DMD: variants seen among roughly 807,000 people sequenced by gnomAD.
The protein encoded by DMD is dystrophin.
In DMD, 63 loss-of-function variants were observed where a neutral mutation model predicts 330.1. The observed-to-expected ratio is 0.19, with a 90% confidence interval of 0.16 to 0.24. DMD has a LOEUF of 0.24. Among genes scored for constraint, DMD ranks in the 10% least tolerant of loss-of-function variants. DMD has a pLI of 1.00. For synonymous variants in DMD, 1,223 were observed against 959.8 expected, an observed-to-expected ratio of 1.27 and a Z score of -5.07; for missense variants, 3,344 against 2,684.1, an observed-to-expected ratio of 1.25 and a Z score of -5.43.
intron 19 of DMD, among the ~76,000 whole-genome samples, chrX:32,496,526 T>C (rs1280490782): frequency 8.9e-6 from 1 of 111,933 alleles, no homozygotes; most frequent in Non-Finnish European, 1.9e-5. Flanking sequence ...ATATAGCCCT[T>C]TTGCGTTTTT....
intron 12 of DMD, among the ~76,000 whole-genome samples, chrX:32,599,559 C>T (rs2055949782): frequency 8.9e-6 from 1 of 111,885 alleles, no homozygotes; most frequent in African/African-American, 3.2e-5. Flanking sequence ...ATTGGATTTG[C>T]TAATTAAGCC....
intron 42 of DMD, among the ~76,000 whole-genome samples, chrX:32,300,201 T>G (rs2097516769): frequency 8.9e-6 from 1 of 111,955 alleles, no homozygotes; most frequent in South Asian, 3.7e-4. Context: ...AATTCAATCA[T>G]TGAACCTCTA....
intron 30 of DMD, among the ~76,000 whole-genome samples, chrX:32,393,814 T>C (rs775751665): frequency 9.1e-6 from 1 of 110,161 alleles, no homozygotes; most frequent in Non-Finnish European, 1.9e-5. Context: ...CATCAATTGA[T>C]GTGAGAATTT....
chrX:32,591,650 G>C (rs1216310306), intron 13 of DMD, among the ~76,000 whole-genome samples: 1 of 112,385 alleles, frequency 8.9e-6, no homozygotes, highest in Non-Finnish European at 1.9e-5. Flanking sequence ...TGCAGCAAGG[G>C]AGGCGTGGCC....
chrX:32,681,930 C>T (rs2062454881), intron 9 of DMD, among the ~76,000 whole-genome samples: 1 of 111,185 alleles, frequency 9.0e-6, no homozygotes, highest in Admixed American at 9.6e-5. Flanking sequence ...GGGGAAAAAC[C>T]CTTCCAGGAA....
intron 59 of DMD, among the ~76,000 whole-genome samples, chrX:31,447,806 A>T (rs2065396969): frequency 9.1e-6 from 1 of 109,315 alleles, no homozygotes; most frequent in Non-Finnish European, 1.9e-5. Flanking sequence ...CAGCAGTTCG[A>T]GACCAGACTG....
At chrX:31,284,602 CTTCTTT>C (rs1350500915) in intron 62 of DMD, among the ~76,000 whole-genome samples, 2 of 91,035 alleles carry the variant, frequency 2.2e-5, no homozygotes, top group African/African-American at 4.3e-5. Context: ...TCTTCTTCTT[CTTCTTT>C]TTTTTGGCAG....
chrX:32,691,012 A>G (rs1364637583), intron 9 of DMD, among the ~76,000 whole-genome samples: 1 of 111,503 alleles, frequency 9.0e-6, no homozygotes, highest in Non-Finnish European at 1.9e-5. Context: ...CTGTTTAGAA[A>G]AGGGAACAAA....
At chrX:31,241,692 T>C (rs1020826025) in intron 63 of DMD, among the ~76,000 whole-genome samples, 4 of 111,191 alleles carry the variant, frequency 3.6e-5, no homozygotes, top group Admixed American at 9.6e-5. Flanking sequence ...TGGAGTCACG[T>C]TCCCTTTTCC....
intron 13 of DMD, among the ~76,000 whole-genome samples, chrX:32,592,437 G>T (rs1181441991): frequency 9.0e-6 from 1 of 111,007 alleles, no homozygotes; most frequent in African/African-American, 3.3e-5. Context: ...TGACCTGCCT[G>T]CATAAAGGAG....
chrX:32,632,444 G>T (rs1467064299), intron 11 of DMD, among the ~76,000 whole-genome samples: 3 of 112,289 alleles, frequency 2.7e-5, no homozygotes, highest in Non-Finnish European at 3.8e-5. Flanking sequence ...GGTCCACTAG[G>T]CAATGCCCCA....
intron 44 of DMD, among the ~76,000 whole-genome samples, chrX:32,201,751 T>C (rs2097040122): frequency 9.0e-6 from 1 of 110,792 alleles, no homozygotes; most frequent in South Asian, 3.8e-4. Flanking sequence ...GCATCTGTCC[T>C]GTGCCCCTTT....
intron 9 of DMD, among the ~76,000 whole-genome samples, chrX:32,652,957 C>T (rs1203690823): frequency 3.6e-5 from 4 of 111,871 alleles, no homozygotes; most frequent in South Asian, 7.4e-4. Context: ...TGCATCAATG[C>T]CTTTTTTGAG....
rs1331742992 is a variant in DMD, at chrX:31,371,963, C to T, written c.9085-23329G>A. On this transcript the variant is annotated intron_variant, in intron 60 of 78. Transcript: ENST00000357033. ...GCTTTTGTATCTAAAAATGATACTA[C>T]TCATCAGAGGTACCTCAGAAAGTAG... Among the ~76,000 whole-genome samples, 20 of 111,894 alleles carry T rather than the reference C, an allele frequency of 1.8e-4. No individual in the cohort carries two copies. In the Admixed American group the frequency reaches 1.8e-3, roughly 10 times the overall value.
chrX:32,824,716 A>T (rs2078553627), intron 4 of DMD, among the ~76,000 whole-genome samples: 2 of 112,068 alleles, frequency 1.8e-5, no homozygotes, highest in Admixed American at 9.5e-5. Flanking sequence ...TACACACGTA[A>T]TAATGTTGCA....
intron 15 of DMD, among the ~76,000 whole-genome samples, chrX:32,572,485 CA>C (rs1418506853): frequency 9.2e-6 from 1 of 109,041 alleles, no homozygotes. Context: ...AAATTAAACT[CA>C]TAGTATCAGA....
chrX:31,402,254 T>G (rs2061223609), intron 60 of DMD, among the ~76,000 whole-genome samples: 1 of 112,006 alleles, frequency 8.9e-6, no homozygotes, highest in South Asian at 3.7e-4. Context: ...ACACTGTAGC[T>G]TCATAATCAA....
intron 44 of DMD, among the ~76,000 whole-genome samples, chrX:32,083,843 CT>C (rs1337239161): frequency 1.8e-5 from 2 of 112,656 alleles, no homozygotes. Context: ...TCTTCTGTGG[CT>C]GTTCATCGCA....
intron 1 of DMD, among the ~76,000 whole-genome samples, chrX:33,180,102 C>T (rs761043009): frequency 8.9e-6 from 1 of 111,830 alleles, no homozygotes; most frequent in Admixed American, 9.5e-5. Context: ...TCCCAAAGTG[C>T]TGGGATTACA....
Sources: allele counts gnomAD v4.1 joint callset (sites outside exome capture counted in the v4.1 genomes callset), GRCh38; gene constraint gnomAD v4.1.1; transcripts MANE v1.5; gene names NCBI Gene and HGNC (gene_info 2026-07-23, HGNC 2026-07-21).